TRIO: variants seen among roughly 807,000 people sequenced by gnomAD.
TRIO encodes the protein trio Rho guanine nucleotide exchange factor, also known as triple functional domain protein.
In TRIO, 58 loss-of-function variants were observed where a neutral mutation model predicts 351.9. That is an observed-to-expected ratio of 0.16 (90% CI 0.13 to 0.21). The LOEUF is 0.21. Ranked by LOEUF, TRIO falls within the 10% of genes least tolerant of loss-of-function variation. TRIO has a pLI of 1.00. For synonymous variants in TRIO, 1,758 were observed against 1,595.7 expected, an observed-to-expected ratio of 1.10 and a Z score of -2.42; for missense variants, 3,201 against 4,027.8, an observed-to-expected ratio of 0.79 and a Z score of 5.56.
chr5:14,445,777 G>A (rs1182959448), intron 34 of TRIO, among the ~76,000 whole-genome samples: 2 of 152,200 alleles, frequency 1.3e-5, no homozygotes, highest in Non-Finnish European at 2.9e-5. Context: ...AGTGGCCCAA[G>A]GGCACAGAAG....
intron 1 of TRIO, among the ~76,000 whole-genome samples, chr5:14,264,794 G>C (rs116565823): frequency 1.3e-5 from 2 of 152,218 alleles, no homozygotes; most frequent in Admixed American, 6.5e-5. Context: ...TGGCCGGCCC[G>C]GAGAGGGTGA....
At chr5:14,340,964 A>G (rs1437763181) in intron 11 of TRIO, among the ~76,000 whole-genome samples, 1 of 152,236 alleles carries the variant, frequency 6.6e-6, no homozygotes, top group African/African-American at 2.4e-5. Flanking sequence ...TGTTTTCTCT[A>G]AAAAGAATCC....
chr5:14,296,792 C>G lies in TRIO; in HGVS notation c.1177-280C>G, dbSNP rs16903370. Among the ~76,000 whole-genome samples, 949 of 152,268 alleles carry G rather than the reference C, an allele frequency of 6.2e-3. 12 individuals are homozygous for G. The highest frequency in any genetic ancestry group is 0.022 in the African/African-American group (919 of 41,522). ...GAGTAATAGTATATTTGTGTGCACC[C>G]ACTTGTGTATTTGATTGCTTTGTGC... On this transcript the variant is annotated intron_variant, in intron 6 of 56. Transcript: ENST00000344204.
chr5:14,326,027 G>C (rs1168853592), intron 9 of TRIO, among the ~76,000 whole-genome samples: 2 of 152,192 alleles, frequency 1.3e-5, no homozygotes, highest in African/African-American at 4.8e-5. Context: ...TGTATGTCAG[G>C]GCAGAAGCAG....
intron 1 of TRIO, among the ~76,000 whole-genome samples, chr5:14,243,765 T>C (rs1035366339): frequency 2.0e-5 from 3 of 152,258 alleles, no homozygotes; most frequent in African/African-American, 4.8e-5. Flanking sequence ...ATTGTGTACA[T>C]TTTTCATGAG....
intron 49 of TRIO, among the ~76,000 whole-genome samples, chr5:14,495,342 T>C (rs576733808): frequency 1.3e-5 from 2 of 152,280 alleles, no homozygotes; most frequent in South Asian, 4.1e-4. Flanking sequence ...TGTTGAAATA[T>C]TGGCAAAGAA....
At position 14,488,033 on chromosome 5, in the gene TRIO, G is replaced by T; in HGVS notation, c.7405G>T (p.Gly2469Cys). 6.2e-7 allele frequency: 1 copy of T among 1,604,020 alleles called. No homozygotes were observed. The highest frequency in any genetic ancestry group is 8.5e-7 in the Non-Finnish European group (1 of 1,176,550). ...SPLSSAVPSL[G>C]KEPFPPSSPL... is the part of the protein sequence containing the mutation. Reference sequence around the variant, plus strand: ...GCTCTCCAGCGCGGTCCCTTCTCTCGGCAAGGAGCCCTTCCCCCCCAGCAG... The same window carrying T: ...GCTCTCCAGCGCGGTCCCTTCTCTCTGCAAGGAGCCCTTCCCCCCCAGCAG... Residue 2469 changes from glycine (G) to cysteine (C), a missense_variant, in exon 48 of 57, where the codon GGC becomes TGC. Around this residue, in one of 19 missense-constraint regions of TRIO, gnomAD observed 1,089 missense variants for 954.9 expected, o/e 1.14. Coordinates refer to ENST00000344204, the MANE Select transcript of TRIO (RefSeq NM_007118.4).
At chr5:14,270,726 T>C in intron 1 of TRIO, 99 bp from the exon 2 acceptor site, 1 of 841,088 alleles carries the variant, frequency 1.2e-6, no homozygotes. Flanking sequence ...ATTTAATGGA[T>C]GTGGATAAAG....
chr5:14,390,710 G>A (rs1168300086), intron 26 of TRIO, among the ~76,000 whole-genome samples, 191 bp from the exon 27 acceptor site: 2 of 152,162 alleles, frequency 1.3e-5, no homozygotes, highest in South Asian at 2.1e-4. Flanking sequence ...TGTCGGGGTC[G>A]GGGAGGCTGC....
At chr5:14,504,764 C>T in intron 55 of TRIO, 171 bp downstream of exon 55, 2 of 795,168 alleles carry the variant, frequency 2.5e-6, no homozygotes, top group Non-Finnish European at 3.9e-6. Flanking sequence ...CCAGTAATGG[C>T]AGAAAGCAGT....
At chr5:14,260,000 T>C (rs1246027027) in intron 1 of TRIO, among the ~76,000 whole-genome samples, 1 of 152,206 alleles carries the variant, frequency 6.6e-6, no homozygotes, top group Admixed American at 6.5e-5. Flanking sequence ...GTAGATTAAC[T>C]GAAGTAACTT....
At chr5:14,155,053 G>C (rs926858101) in intron 1 of TRIO, among the ~76,000 whole-genome samples, 1 of 152,164 alleles carries the variant, frequency 6.6e-6, no homozygotes, top group African/African-American at 2.4e-5. Context: ...TTGTGATTTT[G>C]CTGTGTAGTT....
chr5:14,225,955 T>A (rs56140232), intron 1 of TRIO, among the ~76,000 whole-genome samples: 5,209 of 152,152 alleles, frequency 0.034, 302 homozygotes, highest in African/African-American at 0.12. Flanking sequence ...GAAAGGGAAA[T>A]AAATTAAAAG....
intron 1 of TRIO, 137 bp downstream of exon 1, chr5:14,144,019 G>C (rs1787336445): frequency 1.7e-6 from 1 of 598,638 alleles, no homozygotes; most frequent in South Asian, 7.5e-5. Context: ...GCTCTCGCCT[G>C]GGACCACTGC....
intron 1 of TRIO, among the ~76,000 whole-genome samples, chr5:14,176,394 C>T (rs371763153): frequency 2.4e-4 from 36 of 152,098 alleles, no homozygotes; most frequent in Non-Finnish European, 5.0e-4. Context: ...GGCGTGAACC[C>T]GGGAGGCGGA....
chr5:14,167,043 C>T (rs1316148680), intron 1 of TRIO, among the ~76,000 whole-genome samples: 2 of 151,996 alleles, frequency 1.3e-5, no homozygotes, highest in African/African-American at 4.8e-5. Flanking sequence ...CTAGATTGAC[C>T]AGGCTCCCCG....
intron 1 of TRIO, among the ~76,000 whole-genome samples, chr5:14,239,272 TC>T (rs139498030): frequency 2.0e-5 from 3 of 151,906 alleles, no homozygotes; most frequent in African/African-American, 2.4e-5. Context: ...CAACCTCCCC[TC>T]CCCCCCATTC....
At chr5:14,298,499 C>T (rs939544526) in intron 7 of TRIO, among the ~76,000 whole-genome samples, 4 of 152,132 alleles carry the variant, frequency 2.6e-5, no homozygotes, top group Non-Finnish European at 4.4e-5. Flanking sequence ...TGGATTCAGG[C>T]ATTTGCACGG....
chr5:14,199,278 G>A (rs1016073166), intron 1 of TRIO, among the ~76,000 whole-genome samples: 1 of 148,864 alleles, frequency 6.7e-6, no homozygotes, highest in African/African-American at 2.5e-5. Context: ...TCCATTAAAG[G>A]CAGTTGTGAG....
Sources: gnomAD v4.1 joint callset for allele counts (sites outside exome capture counted in the v4.1 genomes callset) on GRCh38, gnomAD v4.1.1 for gene constraint, gnomAD v4.1.1 regional missense constraint, MANE v1.5 for transcripts, NCBI Gene and HGNC (gene_info 2026-07-23, HGNC 2026-07-21) for gene names.